Variants in WDR70 observed in about 807,000 individuals in gnomAD.
WDR70 encodes the protein WD repeat domain 70, also known as WD repeat-containing protein 70.
In WDR70, 53 loss-of-function variants were observed where a neutral mutation model predicts 88.6. That is an observed-to-expected ratio of 0.60 (90% confidence interval 0.48 to 0.75). The LOEUF (loss-of-function observed/expected upper bound fraction) is 0.75. WDR70 is among the 30% of genes least tolerant of loss of function. The probability of loss-of-function intolerance (pLI) is 0.00; values close to 1 mark genes in which losing one functional copy is unlikely to be tolerated. For synonymous variants in WDR70, 280 were observed against 270.0 expected (o/e 1.04, Z -0.36); for missense variants, 610 against 823.2 (o/e 0.74, Z 3.17).
rs149838484 is a variant in WDR70, at chr5:37,405,920, G to C, written c.492+9350G>C. ...AAGCCAAGTGTGGTGGTGTGCACCT[G>C]TAATTCCAGCTACTCAGGAGAATGA... is the stretch of plus-strand genomic sequence containing the variant. On this transcript the variant is annotated intron_variant, in intron 5 of 17. Coordinates refer to ENST00000265107, the MANE Select transcript of WDR70 (RefSeq NM_018034.4). 7.7e-3 allele frequency among the ~76,000 whole-genome samples: 1,173 copies of C among 152,214 alleles called. 22 individuals are homozygous for C. The highest frequency in any genetic ancestry group is 0.027 in the African/African-American group (1,135 of 41,544).
intron 9 of WDR70, among the ~76,000 whole-genome samples, chr5:37,574,657 T>G (rs1743005318): frequency 6.6e-6 from 1 of 152,222 alleles, no homozygotes; most frequent in African/African-American, 2.4e-5. Flanking sequence ...GCTGGTTAAC[T>G]ACTCTTTGGA....
At position 37,711,039 on chromosome 5, in the gene WDR70, C is replaced by T. The variant is rs149489674; in HGVS notation, c.1416+7952C>T. ...AGAGACTGAATGGAGTATGTTTCTA[C>T]TGTCTACAATGGTGATGGAAAAAAC... On this transcript the variant is annotated intron_variant, in intron 13 of 17. Coordinates refer to ENST00000265107, the MANE Select transcript of WDR70 (RefSeq NM_018034.4). Among the ~76,000 whole-genome samples the T allele has an allele frequency of 1.3e-3, 195 of 152,154 alleles. 2 individuals carry two copies. The highest frequency in any genetic ancestry group is 4.5e-3 in the African/African-American group (187 of 41,494).
intron 5 of WDR70, among the ~76,000 whole-genome samples, chr5:37,420,489 G>C (rs902908593): frequency 3.3e-5 from 5 of 152,040 alleles, no homozygotes; most frequent in African/African-American, 1.2e-4. Context: ...GCCCAGGCTA[G>C]AATATAGTGG....
intron 3 of WDR70, 22 bp from the exon 4 acceptor site, chr5:37,391,978 A>T (rs1351039259): frequency 1.3e-6 from 2 of 1,580,406 alleles, no homozygotes; most frequent in South Asian, 1.2e-5. Flanking sequence ...TTTTTTTGTT[A>T]ATCTTTTTTT....
intron 17 of WDR70, among the ~76,000 whole-genome samples, chr5:37,750,802 G>A (rs902632292): frequency 1.3e-5 from 2 of 152,112 alleles, no homozygotes; most frequent in African/African-American, 4.8e-5. Context: ...GTGTAACTGT[G>A]AGTCCATTAG....
intron 3 of WDR70, among the ~76,000 whole-genome samples, chr5:37,383,638 GGTGCGATCT>G (rs1279100938): frequency 1.3e-5 from 2 of 151,926 alleles, no homozygotes; most frequent in Admixed American, 1.3e-4. Flanking sequence ...GGAGTGCAGT[GGTGCGATCT>G]TGGCTCACTG....
At chr5:37,516,184 T>G (rs1740879118) in intron 8 of WDR70, among the ~76,000 whole-genome samples, 1 of 152,204 alleles carries the variant, frequency 6.6e-6, no homozygotes, top group African/African-American at 2.4e-5. Flanking sequence ...GGACCTGTCT[T>G]TCTTATTTTG....
chr5:37,390,619 C>T lies in WDR70; in HGVS notation c.176-1381C>T, dbSNP rs565413328. Among the ~76,000 whole-genome samples the T allele has an allele frequency of 9.9e-5, 15 of 151,724 alleles. No homozygotes were observed. The East Asian group carries it at 1.5e-3, about 16-fold the overall frequency. On this transcript the variant is annotated intron_variant, in intron 3 of 17. Coordinates refer to ENST00000265107, the MANE Select transcript of WDR70 (RefSeq NM_018034.4). ...CCTCCCAAAGTGCTGGGATTACAGG[C>T]GTGAGCCACCACACCCGGGTAGTAT...
intron 3 of WDR70, among the ~76,000 whole-genome samples, chr5:37,386,474 G>A (rs911468440): frequency 1.3e-5 from 2 of 152,012 alleles, no homozygotes; most frequent in South Asian, 2.1e-4. Context: ...TTATAGGCAC[G>A]TGCCACCACC....
At chr5:37,742,874 G>T (rs1004538044) in intron 17 of WDR70, among the ~76,000 whole-genome samples, 12 of 152,184 alleles carry the variant, frequency 7.9e-5, no homozygotes, top group African/African-American at 2.9e-4. Context: ...AAAACAGGTG[G>T]TAAACAAGCA....
chr5:37,487,772 C>T (rs372800717), intron 8 of WDR70, among the ~76,000 whole-genome samples: 2 of 151,354 alleles, frequency 1.3e-5, no homozygotes, highest in South Asian at 2.1e-4. Flanking sequence ...ACTACAGGTA[C>T]GTACCACCAC....
chr5:37,463,928 CAGTG>C (rs916160913), intron 7 of WDR70, among the ~76,000 whole-genome samples: 43 of 152,232 alleles, frequency 2.8e-4, no homozygotes, highest in African/African-American at 9.6e-4. Context: ...ACATGACAAA[CAGTG>C]AGACAGAGGG....
chr5:37,628,565 C>T (rs941775624), intron 10 of WDR70, among the ~76,000 whole-genome samples: 9 of 152,146 alleles, frequency 5.9e-5, no homozygotes, highest in African/African-American at 2.2e-4. Context: ...GCATGTAATA[C>T]TTTCAGTTTA....
chr5:37,514,426 T>C (rs1331382859), intron 8 of WDR70, among the ~76,000 whole-genome samples: 8 of 147,218 alleles, frequency 5.4e-5, no homozygotes, highest in Non-Finnish European at 1.5e-5. Flanking sequence ...ATGTGCAGGA[T>C]ATACAGGTTT....
intron 10 of WDR70, among the ~76,000 whole-genome samples, chr5:37,686,288 C>A (rs1022148399): frequency 6.6e-6 from 1 of 151,542 alleles, no homozygotes; most frequent in African/African-American, 2.4e-5. Flanking sequence ...GCACTCCAAC[C>A]TGGGTGACAG....
intron 9 of WDR70, among the ~76,000 whole-genome samples, chr5:37,597,841 A>G (rs1483228853): frequency 1.3e-5 from 2 of 152,252 alleles, no homozygotes; most frequent in African/African-American, 4.8e-5. Context: ...TTGTTATAGC[A>G]ACACAAAATG....
rs151176448 is a variant in WDR70 at position 37,497,223 on chromosome 5, C to T, written c.840+17236C>T. On this transcript the variant is annotated intron_variant, in intron 8 of 17. Transcript: ENST00000265107. Reference sequence around the variant, plus strand: ...CCTCCGTCCTCCCTCCATCCTCCTCCGTCCTCCCTCCCTCCTCCCTCCCTT... The same window carrying T: ...CCTCCGTCCTCCCTCCATCCTCCTCTGTCCTCCCTCCCTCCTCCCTCCCTT... Among the ~76,000 whole-genome samples, 79 of 146,754 alleles carry T rather than the reference C, an allele frequency of 5.4e-4. 1 individual carries two copies. In the East Asian group the frequency reaches 0.011, roughly 21 times the overall value.
At chr5:37,598,566 A>G (rs1743769063) in intron 9 of WDR70, among the ~76,000 whole-genome samples, 1 of 152,216 alleles carries the variant, frequency 6.6e-6, no homozygotes, top group Non-Finnish European at 1.5e-5. Context: ...ACAGATTGAG[A>G]CAGTTTTCAC....
At chr5:37,398,009 A>T (rs1749078540) in intron 5 of WDR70, among the ~76,000 whole-genome samples, 1 of 150,246 alleles carries the variant, frequency 6.7e-6, no homozygotes, top group African/African-American at 2.4e-5. Context: ...AAAAAAAAAG[A>T]TATAATCTCC....
Sources: allele counts gnomAD v4.1 joint callset (sites outside exome capture counted in the v4.1 genomes callset), GRCh38; gene constraint gnomAD v4.1.1; transcripts MANE v1.5; gene names NCBI Gene and HGNC (gene_info 2026-07-23, HGNC 2026-07-21).